Variants in RAF1 observed in about 807,000 individuals in gnomAD.
RAF1 encodes Raf-1 proto-oncogene, serine/threonine kinase, also known as RAF proto-oncogene serine/threonine-protein kinase.
In RAF1, 27 loss-of-function variants were observed where a neutral mutation model predicts 81.1. The observed-to-expected ratio is 0.33, with a 90% CI of 0.25 to 0.46. RAF1 has a LOEUF of 0.46. RAF1 is among the 20% of genes least tolerant of loss of function. The pLI is 1.00. For missense variants in RAF1, 598 were observed against 826.0 expected, an observed-to-expected ratio of 0.72 and a Z score of 3.38; for synonymous variants, 298 against 294.0, an observed-to-expected ratio of 1.01 and a Z score of -0.14.
At chr3:12,595,430 T>C (rs969278675) in intron 11 of RAF1, among the ~76,000 whole-genome samples, 16 of 152,138 alleles carry the variant, frequency 1.1e-4, no homozygotes, top group African/African-American at 3.9e-4. Context: ...AGACAGATAA[T>C]GAGCTCTCTC....
intron 1 of RAF1, 72 bp downstream of exon 1, chr3:12,663,741 C>T (rs930178807): frequency 3.0e-5 from 12 of 395,090 alleles, no homozygotes; most frequent in African/African-American, 2.3e-4. Context: ...CAGGCCCGGT[C>T]GCCCTGGAAG....
chr3:12,651,518 C>G (rs2060524768), intron 1 of RAF1, among the ~76,000 whole-genome samples: 1 of 151,896 alleles, frequency 6.6e-6, no homozygotes, highest in Admixed American at 6.6e-5. Flanking sequence ...CCCATAGTCC[C>G]AGCTACTCGG....
chr3:12,613,575 A>G (rs1281066733), intron 2 of RAF1, among the ~76,000 whole-genome samples: 1 of 152,192 alleles, frequency 6.6e-6, no homozygotes, highest in Non-Finnish European at 1.5e-5. Context: ...ATGCCAATCC[A>G]GCCAACCTTC....
intron 5 of RAF1, 91 bp downstream of exon 5, chr3:12,608,674 CA>C: frequency 7.2e-7 from 1 of 1,391,092 alleles, no homozygotes; most frequent in Non-Finnish European, 1.0e-6. Flanking sequence ...GTCTAGAATC[CA>C]GACCTGTCAG....
At chr3:12,602,230 A>G (rs2058883585) in intron 8 of RAF1, among the ~76,000 whole-genome samples, 1 of 152,202 alleles carries the variant, frequency 6.6e-6, no homozygotes, top group African/African-American at 2.4e-5. Context: ...AACTATGAAT[A>G]ATTTGAGACC....
At chr3:12,623,865 T>A (rs2059623504) in intron 1 of RAF1, among the ~76,000 whole-genome samples, 1 of 150,706 alleles carries the variant, frequency 6.6e-6, no homozygotes, top group South Asian at 2.1e-4. Context: ...TTTTTTCTTT[T>A]TTTTTTTTTG....
At chr3:12,591,361 A>G in intron 12 of RAF1, among the ~76,000 whole-genome samples, 1 of 152,178 alleles carries the variant, frequency 6.6e-6, no homozygotes, top group East Asian at 1.9e-4. Flanking sequence ...GTCTAAAATA[A>G]GGCAACTCAG....
At chr3:12,597,784 A>T (rs561377862) in intron 11 of RAF1, among the ~76,000 whole-genome samples, 1 of 151,850 alleles carries the variant, frequency 6.6e-6, no homozygotes, top group East Asian at 1.9e-4. Flanking sequence ...GTGTGGTGGC[A>T]TGTGCCTGTA....
In RAF1 at chr3:12,590,893, C is replaced by G. The variant is rs2058493684; in HGVS notation, c.1335G>C (p.Glu445Asp). ...GCAGGTGTTTGTAGAGGCTGCTGCC[C>G]TCGCACCACTGGGTCACAATTGCCA... is the stretch of plus-strand genomic sequence containing the variant. The change falls in exon 13 of 18, where the codon GAG (glutamate) becomes GAC (aspartate). Residue 445 changes from glutamate to aspartate, a missense_variant. Glu to Asp is a conservative substitution (Grantham distance 45, BLOSUM62 2). Transcript: ENST00000442415. 3 of 1,613,174 alleles carry G rather than the reference C, an allele frequency of 1.9e-6. No individual in the cohort carries two copies. The highest frequency in any genetic ancestry group is 1.7e-6 in the Non-Finnish European group (2 of 1,179,124).
chr3:12,655,819 A>G lies in RAF1; in HGVS notation c.-27+7994T>C, dbSNP rs529664883. 4.6e-5 allele frequency among the ~76,000 whole-genome samples: 7 copies of G among 152,236 alleles called. No homozygotes were observed. The East Asian group carries it at 1.4e-3, about 29-fold the overall frequency. ...ATGTGCTAAGTAAAATAAGCCAGAC[A>G]AAAAAGGCCAGATAGTGTATGACTC... On this transcript the variant is annotated intron_variant, in intron 1 of 17. Transcript: ENST00000442415.
At chr3:12,611,705 GA>G (rs961528471) in intron 3 of RAF1, among the ~76,000 whole-genome samples, 11 of 151,128 alleles carry the variant, frequency 7.3e-5, no homozygotes, top group Non-Finnish European at 1.3e-4. Context: ...ACCTCAAAAA[GA>G]AAAAAAAATT....
intron 8 of RAF1, among the ~76,000 whole-genome samples, chr3:12,601,708 C>A (rs148269484): frequency 1.9e-3 from 292 of 152,150 alleles, no homozygotes; most frequent in African/African-American, 6.8e-3. Flanking sequence ...TCAAACCAAG[C>A]TGTTCCCCTG....
At chr3:12,588,497 C>T (rs1353430153) in intron 13 of RAF1, 1 of 152,128 alleles carries the variant, frequency 6.6e-6, no homozygotes, top group Non-Finnish European at 1.5e-5. Flanking sequence ...ACTGTATGGC[C>T]CTCAGTGTAC....
At chr3:12,653,428 G>C (rs1018044016) in intron 1 of RAF1, among the ~76,000 whole-genome samples, 4 of 152,126 alleles carry the variant, frequency 2.6e-5, no homozygotes, top group Non-Finnish European at 4.4e-5. Context: ...GGTCTCTCCA[G>C]TACATTTCCT....
At chr3:12,602,702 G>C (rs1405264616) in intron 8 of RAF1, among the ~76,000 whole-genome samples, 1 of 152,124 alleles carries the variant, frequency 6.6e-6, no homozygotes, top group Non-Finnish European at 1.5e-5. Flanking sequence ...GTATATTATT[G>C]TATTATCAGG....
rs2125315403 is a variant in RAF1, at chr3:12,584,495, A to G, written c.*19T>C. On this transcript the variant is annotated 3_prime_UTR_variant, in exon 18 of 18. Coordinates refer to ENST00000442415, the MANE Select transcript of RAF1 (RefSeq NM_001354689.3). ...CTTCTCCTCCTCCCCTGGCAGCCTG[A>G]AGACAGGTGCAAAGTCAACTAGAAG... 6.2e-7 allele frequency: 1 copy of G among 1,614,214 alleles called. No homozygotes were observed. The highest frequency in any genetic ancestry group is 8.5e-7 in the Non-Finnish European group (1 of 1,180,032).
At chr3:12,646,643 C>T (rs1441839631) in intron 1 of RAF1, among the ~76,000 whole-genome samples, 6 of 151,856 alleles carry the variant, frequency 4.0e-5, no homozygotes, top group East Asian at 1.9e-4. Flanking sequence ...CTCCACCTCC[C>T]GGGTTCACAT....
chr3:12,628,512 T>C (rs1032185012), intron 1 of RAF1, among the ~76,000 whole-genome samples: 1 of 152,166 alleles, frequency 6.6e-6, no homozygotes, highest in African/African-American at 2.4e-5. Context: ...AAAAAGTTTT[T>C]AAAAAGTCAT....
chr3:12,618,349 T>C (rs1006929580), intron 2 of RAF1, among the ~76,000 whole-genome samples, 166 bp downstream of exon 2: 14 of 148,814 alleles, frequency 9.4e-5, no homozygotes, highest in African/African-American at 3.2e-4. Flanking sequence ...AAATAGGGGG[T>C]GTGGAAGGAA....
Sources: allele counts gnomAD v4.1 joint callset (sites outside exome capture counted in the v4.1 genomes callset), GRCh38; gene constraint gnomAD v4.1.1; transcripts MANE v1.5; gene names NCBI Gene and HGNC (gene_info 2026-07-23, HGNC 2026-07-21).